Variants in ZNF106 observed in about 807,000 individuals in gnomAD.
ZNF106 encodes the protein SH3-domain binding protein 3.
ZNF106 carries 67 observed loss-of-function variants against 195.1 expected under a neutral mutation model. The observed-to-expected ratio is 0.34, with a 90% confidence interval of 0.28 to 0.42. ZNF106 has a LOEUF of 0.42. Among genes scored for constraint, ZNF106 ranks in the 10% least tolerant of loss-of-function variants. ZNF106 has a pLI of 1.00. For synonymous variants in ZNF106, 784 were observed against 818.6 expected (o/e 0.96, Z 0.72); for missense variants, 2,118 against 2,304.5 (o/e 0.92, Z 1.66).
In ZNF106 at chr15:42,417,879, G is replaced by C; in HGVS notation, c.5590C>G (p.Pro1864Ala). 2.5e-6 allele frequency: 4 copies of C among 1,614,144 alleles called. No individual in the cohort carries two copies. Among genetic ancestry groups the C allele is most frequent in the Non-Finnish European group, 3.4e-6 (4 of 1,180,016 alleles). ...KQHLLTDHTN[P>A]NFQTLKCRWK... ...CGACATTTCAGAGTCTGGAAGTTGGGATTAGTGTGGTCGGTCAGCAAGTGT... is the reference window on the plus strand; with the variant it reads ...CGACATTTCAGAGTCTGGAAGTTGGCATTAGTGTGGTCGGTCAGCAAGTGT... The change falls in exon 21 of 22, where the codon CCC becomes GCC. Residue 1864 changes from proline (P) to alanine (A), a missense_variant. By Grantham distance (27) the Pro-to-Ala change is conservative. Coordinates refer to ENST00000564754, the MANE Select transcript of ZNF106 (RefSeq NM_001366845.3).
At chr15:42,462,246 A>G (rs757401212) in intron 3 of ZNF106, among the ~76,000 whole-genome samples, 43 of 152,358 alleles carry the variant, frequency 2.8e-4, no homozygotes, top group Middle Eastern at 3.4e-3. Flanking sequence ...AGAACAAAAC[A>G]TAAATGACAA....
At chr15:42,428,745 A>G (rs761305969) in intron 14 of ZNF106, among the ~76,000 whole-genome samples, 1 of 152,104 alleles carries the variant, frequency 6.6e-6, no homozygotes, top group African/African-American at 2.4e-5. Flanking sequence ...TTTAATACCC[A>G]CTGTTTGATC....
intron 21 of ZNF106, 43 bp downstream of exon 21, chr15:42,417,762 A>C (rs745613925): frequency 6.3e-7 from 1 of 1,580,366 alleles, no homozygotes; most frequent in Non-Finnish European, 8.6e-7. Context: ...TGCTCTGAGC[A>C]GTCTACTGAA....
At chr15:42,471,281 C>T (rs1484519488) in intron 2 of ZNF106, among the ~76,000 whole-genome samples, 2 of 152,168 alleles carry the variant, frequency 1.3e-5, no homozygotes, top group Non-Finnish European at 2.9e-5. Flanking sequence ...CATGATCCTC[C>T]CAGTTCTCTG....
At chr15:42,465,417 C>G (rs1228144320) in intron 3 of ZNF106, among the ~76,000 whole-genome samples, 2 of 151,960 alleles carry the variant, frequency 1.3e-5, no homozygotes, top group Non-Finnish European at 2.9e-5. Context: ...TAGCTGGGAC[C>G]ACAGGCTATT....
Position 42,488,344 on chromosome 15 carries a change from CA to C in ZNF106, c.-33+2635del, listed in dbSNP as rs534159738. ...AATATTAGCACATATAGAGCTGGCT[CA>C]TTCTTTCTAGCAAATTCATACATTT... On this transcript the variant is annotated intron_variant, in intron 1 of 21. Transcript: ENST00000564754. Among the ~76,000 whole-genome samples, 13 of 152,270 alleles carry C rather than the reference CA, an allele frequency of 8.5e-5. No homozygotes were observed. The South Asian group carries it at 2.3e-3, about 27-fold the overall frequency.
intron 3 of ZNF106, among the ~76,000 whole-genome samples, chr15:42,458,804 AATGAATATTC>A (rs1217628844): frequency 6.6e-6 from 1 of 151,512 alleles, no homozygotes; most frequent in African/African-American, 2.4e-5. Flanking sequence ...TTTTTTTTTA[AATGAATATTC>A]AGGTGACCTG....
At chr15:42,421,252 C>T in intron 19 of ZNF106, 120 bp from the exon 20 acceptor site, 1 of 866,488 alleles carries the variant, frequency 1.2e-6, no homozygotes, top group Non-Finnish European at 1.9e-6. Context: ...TAAATCAAAA[C>T]CAGCTCCAGA....
chr15:42,435,597 G>C (rs1309189222), intron 13 of ZNF106, 79 bp from the exon 14 acceptor site: 1 of 1,558,398 alleles, frequency 6.4e-7, no homozygotes, highest in Non-Finnish European at 8.8e-7. Flanking sequence ...ACAAAAAGAT[G>C]CTAAAACATT....
Position 42,417,401 on chromosome 15 carries a change from TAGTA to T in ZNF106, c.5665-45_5665-42del, listed in dbSNP as rs1566991589. The T allele has an allele frequency of 1.9e-6, 3 of 1,599,554 alleles. No homozygotes were observed. In the Admixed American group the frequency reaches 5.0e-5, roughly 27 times the overall value. On this transcript the variant is annotated intron_variant, in intron 21 of 21. Coordinates refer to ENST00000564754, the MANE Select transcript of ZNF106 (RefSeq NM_001366845.3). ...AAAGGGCCCATGAGAGAGAAGTCGA[TAGTA>T]AGACAGGAGAAAGTCAAAGCCAAGG...
In ZNF106 at chr15:42,439,643, T is replaced by C. The variant is rs940653057; in HGVS notation, c.3934A>G (p.Ser1312Gly). The change falls in exon 11 of 22, where the codon AGC (serine) becomes GGC (glycine). Residue 1312 changes from serine to glycine, a missense_variant. By Grantham distance (56) the Ser-to-Gly change is moderately conservative. Coordinates refer to ENST00000564754, the MANE Select transcript of ZNF106 (RefSeq NM_001366845.3). ...SPSSQSAGLS[S>G]INKEGEEPTK... is the part of the protein sequence containing the mutation. ...GGCTCTTCCCCTTCTTTATTTATGCTAGAAAGACCAGCTGATTGGGAAGAG... is the reference window on the plus strand; with the variant it reads ...GGCTCTTCCCCTTCTTTATTTATGCCAGAAAGACCAGCTGATTGGGAAGAG... 3 of 1,613,876 alleles carry C rather than the reference T, an allele frequency of 1.9e-6. No individual in the cohort carries two copies. Among genetic ancestry groups the C allele is most frequent in the Non-Finnish European group, 2.5e-6 (3 of 1,179,966 alleles).
intron 14 of ZNF106, among the ~76,000 whole-genome samples, chr15:42,433,776 G>A (rs115027817): frequency 0.015 from 2,273 of 152,078 alleles, 57 homozygotes; most frequent in African/African-American, 0.052. Context: ...CTCAAAGTGC[G>A]GTCCCCAAAC....
Position 42,444,955 on chromosome 15 carries a change from T to G in ZNF106, c.3232A>C (p.Asn1078His). The G allele has an allele frequency of 6.2e-7, 1 of 1,614,180 alleles. No homozygotes were observed. Among genetic ancestry groups the G allele is most frequent in the Non-Finnish European group, 8.5e-7 (1 of 1,180,028 alleles). Residue 1078 changes from asparagine (N) to histidine (H), a missense_variant, in exon 8 of 22, where the codon AAT becomes CAT. Physicochemically the swap from Asn to His is moderately conservative, Grantham distance 68. Coordinates refer to ENST00000564754, the MANE Select transcript of ZNF106 (RefSeq NM_001366845.3). Reference protein sequence around the residue: ...KERSQVDQLLNISLREEELSK... With the variant: ...KERSQVDQLLHISLREEELSK... ...AGTTCTTCCTCCCTTAAAGAAATAT[T>G]CAGCAGCTGGTCAACCTGAGAACGT...
chr15:42,418,858 AT>A (rs1217858182), intron 20 of ZNF106, among the ~76,000 whole-genome samples: 8 of 151,910 alleles, frequency 5.3e-5, no homozygotes, highest in East Asian at 1.9e-4. Flanking sequence ...ATACCTACTT[AT>A]TTTTTTAAGC....
intron 14 of ZNF106, among the ~76,000 whole-genome samples, chr15:42,430,882 T>C (rs1567000326): frequency 1.3e-5 from 2 of 151,446 alleles, no homozygotes; most frequent in Non-Finnish European, 2.9e-5. Context: ...TGGCCTCAAA[T>C]GATCCTCCCA....
Position 42,448,591 on chromosome 15 carries a change from G to T in ZNF106, c.2616C>A (p.Ser872=), listed in dbSNP as rs772746775. 1.2e-6 allele frequency: 2 copies of T among 1,614,110 alleles called. No individual in the cohort carries two copies. The highest frequency in any genetic ancestry group is 2.2e-5 in the South Asian group (2 of 91,086). Residue 872 remains serine, a synonymous_variant, in exon 6 of 22, where the codon TCC becomes TCA. Transcript: ENST00000564754. Reference sequence around the variant, plus strand: ...GCTTTCTTGCCAAGCCAGGGGACGAGGAAATGGAAACACCTTCCCACTGGA... The same window carrying T: ...GCTTTCTTGCCAAGCCAGGGGACGATGAAATGGAAACACCTTCCCACTGGA... The part of the protein sequence containing the change: ...EGFQWEGVSI[S]SSPGLARKRS...
rs116605819 is a variant in ZNF106, at chr15:42,426,807, T to C, written c.4998+1211A>G. 8.8e-3 allele frequency among the ~76,000 whole-genome samples: 1,335 copies of C among 152,334 alleles called. 23 individuals are homozygous for C. Among genetic ancestry groups the C allele is most frequent in the African/African-American group, 0.031 (1,273 of 41,566 alleles). ...AAATTTACTTTCCTCTCCATTTCTA[T>C]TGCCCTAATCCAATTTAATCAGACT... On this transcript the variant is annotated intron_variant, in intron 15 of 21. Transcript: ENST00000564754.
Position 42,450,562 on chromosome 15 carries a change from T to G in ZNF106, c.1710A>C (p.Ser570=). 6.2e-7 allele frequency: 1 copy of G among 1,614,214 alleles called. No homozygotes were observed. Among genetic ancestry groups the G allele is most frequent in the Non-Finnish European group, 8.5e-7 (1 of 1,180,048 alleles). The change falls in exon 5 of 22, where the codon TCA becomes TCC. Residue 570 remains serine, a synonymous_variant. Coordinates refer to ENST00000564754, the MANE Select transcript of ZNF106 (RefSeq NM_001366845.3). ...AAGTGCTAAGAAGTGGATTTTGCAATGACTCATGACACTGTAGCACCTCTT... is the reference window on the plus strand; with the variant it reads ...AAGTGCTAAGAAGTGGATTTTGCAAGGACTCATGACACTGTAGCACCTCTT... ...KAKEVLQCHE[S]LQNPLLSTSK...
intron 7 of ZNF106, 101 bp from the exon 8 acceptor site, chr15:42,445,082 T>C: frequency 7.4e-7 from 1 of 1,358,106 alleles, no homozygotes; most frequent in Non-Finnish European, 1.0e-6. Flanking sequence ...GATAAGACTT[T>C]ATGTTCTCCT....
Sources: gnomAD v4.1 joint callset for allele counts (sites outside exome capture counted in the v4.1 genomes callset) on GRCh38, gnomAD v4.1.1 for gene constraint, MANE v1.5 for transcripts, NCBI Gene and HGNC (gene_info 2026-07-23, HGNC 2026-07-21) for gene names.